KIAA1671: variants seen among roughly 807,000 people sequenced by gnomAD.
KIAA1671 encodes uncharacterized protein KIAA1671.
In KIAA1671, 52 loss-of-function variants were observed where a neutral mutation model predicts 131.2. That is an observed-to-expected ratio of 0.40 (90% CI 0.32 to 0.50). KIAA1671 has a LOEUF of 0.50. KIAA1671 is among the 20% of genes least tolerant of loss of function. KIAA1671 has a pLI of 0.73. For synonymous variants in KIAA1671, 1,003 were observed against 961.6 expected (o/e 1.04, Z -0.80); for missense variants, 2,360 against 2,364.2 (o/e 1.00, Z 0.04).
intron 3 of KIAA1671, among the ~76,000 whole-genome samples, chr22:25,031,438 C>T (rs1423022310): frequency 2.0e-5 from 3 of 151,772 alleles, no homozygotes; most frequent in East Asian, 1.9e-4. Context: ...CCTCGTGATC[C>T]GCCCGCCTCA....
intron 1 of KIAA1671, among the ~76,000 whole-genome samples, chr22:24,996,288 T>G (rs1924132646): frequency 6.6e-6 from 1 of 151,840 alleles, no homozygotes; most frequent in Non-Finnish European, 1.5e-5. Flanking sequence ...ACAGCTTAGG[T>G]CCTTCTGTGT....
At chr22:25,030,484 G>A (rs1008655553) in intron 3 of KIAA1671, among the ~76,000 whole-genome samples, 1 of 150,460 alleles carries the variant, frequency 6.6e-6, no homozygotes, top group Non-Finnish European at 1.5e-5. Flanking sequence ...GCAGTGAGCC[G>A]AGATCACACC....
chr22:25,093,881 TC>T (rs1930270923), intron 6 of KIAA1671, among the ~76,000 whole-genome samples: 1 of 142,978 alleles, frequency 7.0e-6, no homozygotes, highest in Non-Finnish European at 1.5e-5. Flanking sequence ...TCTCTCTCTC[TC>T]TCTCCCTTCT....
intron 6 of KIAA1671, among the ~76,000 whole-genome samples, chr22:25,103,503 C>T (rs929664130): frequency 1.2e-4 from 18 of 151,992 alleles, no homozygotes; most frequent in Non-Finnish European, 1.5e-4. Flanking sequence ...GGACTACAGG[C>T]GCCTGCCACC....
chr22:25,174,655 T>C (rs1196181411), intron 8 of KIAA1671, 166 bp downstream of exon 8: 2 of 720,568 alleles, frequency 2.8e-6, no homozygotes, highest in Non-Finnish European at 4.3e-6. Context: ...GGACCTGCCA[T>C]ACACCTGCTG....
intron 1 of KIAA1671, among the ~76,000 whole-genome samples, chr22:24,979,670 C>T (rs1213253249): frequency 6.6e-6 from 1 of 152,054 alleles, no homozygotes; most frequent in Non-Finnish European, 1.5e-5. Flanking sequence ...AGTTTACTCC[C>T]GTTTGGTGGC....
intron 6 of KIAA1671, among the ~76,000 whole-genome samples, chr22:25,109,141 ACT>A (rs1038790792): frequency 4.0e-5 from 6 of 148,858 alleles, no homozygotes; most frequent in Non-Finnish European, 5.9e-5. Flanking sequence ...ACGGAGTCTC[ACT>A]CTGTCACCCA....
intron 1 of KIAA1671, among the ~76,000 whole-genome samples, chr22:25,016,192 T>A (rs1925306566): frequency 6.6e-6 from 1 of 152,224 alleles, no homozygotes; most frequent in Admixed American, 6.5e-5. Context: ...GGCTAATTTT[T>A]GCATTTTTAG....
intron 6 of KIAA1671, among the ~76,000 whole-genome samples, chr22:25,069,290 G>A (rs930213690): frequency 2.1e-4 from 32 of 152,206 alleles, no homozygotes; most frequent in African/African-American, 7.5e-4. Context: ...TTTTACAGAA[G>A]GGGTAACTGA....
chr22:24,963,313 A>C (rs532607903), intron 1 of KIAA1671, among the ~76,000 whole-genome samples: 1 of 149,244 alleles, frequency 6.7e-6, no homozygotes, highest in Non-Finnish European at 1.5e-5. Flanking sequence ...GCAGTGAGCC[A>C]AGATCACGCC....
Position 25,107,058 on chromosome 22 carries a change from T to C in KIAA1671, c.4530+57694T>C, listed in dbSNP as rs546774271. Among the ~76,000 whole-genome samples, 6 of 152,288 alleles carry C rather than the reference T, an allele frequency of 3.9e-5. No individual in the cohort carries two copies. The South Asian group carries it at 1.2e-3, about 32-fold the overall frequency. On this transcript the variant is annotated intron_variant, in intron 6 of 12. Transcript: ENST00000358431. ...TTTGTTATGAAAATGTTCAAACATA[T>C]AGAAAAATTATATAGGAAAACACCC...
In KIAA1671 at chr22:25,093,730, C is replaced by CTT. The variant is rs1568950944; in HGVS notation, c.4530+44366_4530+44367insTT. On this transcript the variant is annotated intron_variant, in intron 6 of 12. Transcript: ENST00000358431. ...ACACACACACACACACACACACACA[C>CTT]ACACACACTCTCTCTCTCTCTCTCT... Among the ~76,000 whole-genome samples, 257 of 123,682 alleles carry CTT rather than the reference C, an allele frequency of 2.1e-3. 11 individuals are homozygous for CTT. The highest frequency in any genetic ancestry group is 3.1e-3 in the Non-Finnish European group (190 of 61,482). The allele number at this position is 123,682 out of a possible 152,430, so 81.1% of individuals were successfully genotyped here.
At chr22:25,180,123 T>C (rs911546433) in intron 9 of KIAA1671, among the ~76,000 whole-genome samples, 4 of 134,390 alleles carry the variant, frequency 3.0e-5, no homozygotes, top group Non-Finnish European at 6.6e-5. Context: ...AACAGTTACG[T>C]GTTGCTCAAG....
At chr22:25,136,708 T>C (rs1343455248) in intron 6 of KIAA1671, among the ~76,000 whole-genome samples, 1 of 152,226 alleles carries the variant, frequency 6.6e-6, no homozygotes, top group Non-Finnish European at 1.5e-5. Flanking sequence ...TGTCTGTGTA[T>C]CCTGGAGGAG....
intron 4 of KIAA1671, among the ~76,000 whole-genome samples, chr22:25,034,645 T>TACC (rs1926489332): frequency 6.6e-6 from 1 of 152,212 alleles, no homozygotes; most frequent in Non-Finnish European, 1.5e-5. Context: ...TTGGGGCAAT[T>TACC]ACCAGTGAAG....
At chr22:25,037,078 T>C (rs1926642217) in intron 4 of KIAA1671, among the ~76,000 whole-genome samples, 1 of 152,100 alleles carries the variant, frequency 6.6e-6, no homozygotes, top group Admixed American at 6.6e-5. Context: ...ATCTCAACAC[T>C]TTGGGAGGCT....
intron 1 of KIAA1671, chr22:25,011,177 C>CT (rs898920116): frequency 6.6e-6 from 1 of 150,894 alleles, no homozygotes; most frequent in African/African-American, 2.4e-5. Flanking sequence ...AAGTCTCACT[C>CT]TGTCGCCTAG....
At chr22:25,024,314 T>G (rs1368877580) in intron 1 of KIAA1671, 1 of 152,262 alleles carries the variant, frequency 6.6e-6, no homozygotes, top group Non-Finnish European at 1.5e-5. Flanking sequence ...AGAGAAGCAT[T>G]CATTCCACAT....
intron 6 of KIAA1671, among the ~76,000 whole-genome samples, chr22:25,133,717 A>T (rs572673270): frequency 9.7e-4 from 147 of 151,722 alleles, no homozygotes; most frequent in African/African-American, 2.9e-3. Context: ...TAATTAAAAA[A>T]TTTTTTTTCT....
Sources: gnomAD v4.1 joint callset for allele counts (sites outside exome capture counted in the v4.1 genomes callset) on GRCh38, gnomAD v4.1.1 for gene constraint, MANE v1.5 for transcripts, NCBI Gene and HGNC (gene_info 2026-07-23, HGNC 2026-07-21) for gene names.